TNS1: variants seen among roughly 807,000 people sequenced by gnomAD.
The protein encoded by TNS1 is tensin 1, also known as tensin-1.
A neutral mutation model predicts 168.6 loss-of-function variants in TNS1; 62 were observed. The observed-to-expected ratio is 0.37, with a 90% confidence interval of 0.30 to 0.45. The LOEUF (loss-of-function observed/expected upper bound fraction) is 0.45, where lower values mean the gene tolerates loss of function less well. TNS1 is among the 20% of genes least tolerant of loss of function. TNS1 has a pLI of 1.00. For missense variants in TNS1, 2,240 were observed against 2,339.4 expected, an observed-to-expected ratio of 0.96 and a Z score of 0.88; for synonymous variants, 934 against 933.2, an observed-to-expected ratio of 1.00 and a Z score of -0.02.
chr2:217,933,426 A>G (rs1223384892), intron 3 of TNS1, among the ~76,000 whole-genome samples: 1 of 152,110 alleles, frequency 6.6e-6, no homozygotes, highest in Non-Finnish European at 1.5e-5. Context: ...CCACTGCCGG[A>G]CCCAGATACA....
chr2:217,893,164 G>A (rs1574977840), intron 10 of TNS1, 152 bp from the exon 11 acceptor site: 4 of 1,074,396 alleles, frequency 3.7e-6, no homozygotes, highest in African/African-American at 1.6e-5. Flanking sequence ...CCTCAGGGGA[G>A]GGAGGCAGGT....
At chr2:217,997,609 C>T (rs1372744563) in intron 1 of TNS1, among the ~76,000 whole-genome samples, 4 of 152,200 alleles carry the variant, frequency 2.6e-5, no homozygotes, top group African/African-American at 9.6e-5. Context: ...TTCTTTGAGC[C>T]TACAGCAGTA....
intron 22 of TNS1, among the ~76,000 whole-genome samples, chr2:217,828,693 C>G (rs183150596): frequency 2.0e-5 from 3 of 152,322 alleles, no homozygotes; most frequent in Admixed American, 2.0e-4. Context: ...CAGTGCAGGG[C>G]TCATCTAAAT....
chr2:217,859,710 A>G, intron 18 of TNS1: 2 of 1,533,946 alleles, frequency 1.3e-6, no homozygotes. Context: ...ATCTGTGGAA[A>G]TCATGAATAG....
intron 15 of TNS1, among the ~76,000 whole-genome samples, chr2:217,885,515 C>T (rs1036312880): frequency 3.3e-5 from 5 of 152,180 alleles, no homozygotes; most frequent in Non-Finnish European, 7.3e-5. Context: ...TAACAGCTCA[C>T]GCTGAGTGAT....
intron 3 of TNS1, among the ~76,000 whole-genome samples, chr2:217,977,340 A>C (rs901341155): frequency 1.3e-5 from 2 of 152,214 alleles, no homozygotes; most frequent in African/African-American, 4.8e-5. Flanking sequence ...AAGGGGCAGA[A>C]AACCCACTGC....
Position 217,835,183 on chromosome 2 carries a change from G to C in TNS1, c.3205-17C>G. On this transcript the variant is annotated splice_polypyrimidine_tract_variant and intron_variant, in intron 20 of 32. Coordinates refer to ENST00000682258, the MANE Select transcript of TNS1 (RefSeq NM_001387777.1). The stretch of plus-strand genomic sequence containing the variant: ...CAAATGGGGCTGTGGGAGAACACAG[G>C]GGAGAAAAAGAGGGAAACCATGAGA... The C allele has an allele frequency of 6.2e-7, 1 of 1,601,336 alleles. No homozygotes were observed. Among genetic ancestry groups the C allele is most frequent in the Non-Finnish European group, 8.5e-7 (1 of 1,174,628 alleles).
At chr2:217,883,780 T>G (rs1405116320) in intron 16 of TNS1, among the ~76,000 whole-genome samples, 2 of 152,180 alleles carry the variant, frequency 1.3e-5, no homozygotes, top group Non-Finnish European at 2.9e-5. Flanking sequence ...CAAGGAGAGC[T>G]CATTAAAGAA....
chr2:217,894,146 A>G (rs779516534), intron 9 of TNS1, among the ~76,000 whole-genome samples: 1 of 152,158 alleles, frequency 6.6e-6, no homozygotes, highest in Non-Finnish European at 1.5e-5. Flanking sequence ...GCCTCTCAAA[A>G]TCTTTCTAGA....
chr2:217,928,851 TC>T (rs1371224223), intron 3 of TNS1, among the ~76,000 whole-genome samples: 2 of 151,962 alleles, frequency 1.3e-5, no homozygotes, highest in Non-Finnish European at 2.9e-5. Context: ...ACTGCTAGGC[TC>T]CCTGTCCTGC....
chr2:217,817,584 G>C, intron 24 of TNS1, 106 bp downstream of exon 24: 1 of 946,830 alleles, frequency 1.1e-6, no homozygotes, highest in Non-Finnish European at 1.6e-6. Flanking sequence ...GATTCACCCA[G>C]GGTCGTCTGC....
At chr2:218,014,926 AGGCAGGCAGGC>A (rs1958744434), upstream of TNS1, among the ~76,000 whole-genome samples, 2 of 138,204 alleles carry the variant, frequency 1.4e-5, no homozygotes, top group African/African-American at 6.5e-5. Context: ...GAAGGAAGGC[AGGCAGGCAGGC>A]AGGCAGGCAG....
chr2:217,821,677 C>A, intron 23 of TNS1, 63 bp downstream of exon 23: 1 of 1,386,882 alleles, frequency 7.2e-7, no homozygotes. Flanking sequence ...GAGGCCTCAC[C>A]CATCCCGTCC....
chr2:217,849,204 A>C, intron 18 of TNS1, 117 bp from the exon 19 acceptor site: 7 of 1,185,836 alleles, frequency 5.9e-6, no homozygotes, highest in South Asian at 3.2e-5. Context: ...GCATCCTAAA[A>C]CCTCCTCTCA....
intron 1 of TNS1, among the ~76,000 whole-genome samples, chr2:218,021,577 C>T (rs1422365480): frequency 2.6e-5 from 4 of 152,226 alleles, no homozygotes; most frequent in African/African-American, 9.6e-5. Flanking sequence ...GCCCTTATCA[C>T]ATACCAGCTA....
At chr2:217,924,806 AC>A (rs781142712) in intron 3 of TNS1, among the ~76,000 whole-genome samples, 1 of 152,116 alleles carries the variant, frequency 6.6e-6, no homozygotes, top group Non-Finnish European at 1.5e-5. Context: ...ATCCCACTAC[AC>A]CTGCATTTGT....
In TNS1 at chr2:217,801,783, G is replaced by C. The variant is rs569669968; in HGVS notation, c.*2676C>G. 6 of 152,354 alleles carry C rather than the reference G, an allele frequency of 3.9e-5. No individual in the cohort carries two copies. In the East Asian group the frequency reaches 9.7e-4, roughly 25 times the overall value. 9.4% of individuals were successfully genotyped at this position (152,354 alleles called of 1,614,324 possible). ...GGGCCCAGAGGTGGGGCCACTGTGG[G>C]GACTGGGGAACCCTTCCCCATCATT... On this transcript the variant is annotated 3_prime_UTR_variant, in exon 33 of 33. Transcript: ENST00000682258.
At chr2:217,961,426 T>C (rs965922927) in intron 3 of TNS1, among the ~76,000 whole-genome samples, 15 of 152,076 alleles carry the variant, frequency 9.9e-5, no homozygotes, top group African/African-American at 3.6e-4. Flanking sequence ...ATATCCCAGG[T>C]GTGTCCCCAG....
intron 28 of TNS1, among the ~76,000 whole-genome samples, chr2:217,810,950 T>C (rs1017056235): frequency 1.3e-5 from 2 of 151,584 alleles, no homozygotes; most frequent in Admixed American, 1.3e-4. Flanking sequence ...TGATCACAGC[T>C]CACTGCAGCC....
Sources: allele counts gnomAD v4.1 joint callset (sites outside exome capture counted in the v4.1 genomes callset), GRCh38; gene constraint gnomAD v4.1.1; transcripts MANE v1.5; gene names NCBI Gene and HGNC (gene_info 2026-07-23, HGNC 2026-07-21).